ANKRD11: variants seen among roughly 807,000 people sequenced by gnomAD.
ANKRD11 encodes ankyrin repeat domain 11.
In ANKRD11, 17 loss-of-function variants were observed where a neutral mutation model predicts 195.7. That is an observed-to-expected ratio of 0.09 (90% CI 0.06 to 0.13). The LOEUF (loss-of-function observed/expected upper bound fraction) is 0.13. ANKRD11 is among the 10% of genes least tolerant of loss of function. The pLI is 1.00. For missense variants in ANKRD11, 3,735 were observed against 3,566.1 expected, an observed-to-expected ratio of 1.05 and a Z score of -1.21; for synonymous variants, 1,953 against 1,528.1, an observed-to-expected ratio of 1.28 and a Z score of -6.49.
At chr16:89,472,006 A>G (rs2057101260) in intron 1 of ANKRD11, among the ~76,000 whole-genome samples, 1 of 152,096 alleles carries the variant, frequency 6.6e-6, no homozygotes, top group African/African-American at 2.4e-5. Context: ...CTCCTAGAAT[A>G]AAATGGGAAG....
chr16:89,401,683 T>C (rs914788904), intron 2 of ANKRD11, among the ~76,000 whole-genome samples: 2 of 152,012 alleles, frequency 1.3e-5, no homozygotes, highest in Admixed American at 1.3e-4. Context: ...CTGGGAAACA[T>C]GGTCTTTGCA....
chr16:89,384,049 G>A (rs957806046), intron 2 of ANKRD11, among the ~76,000 whole-genome samples: 11 of 152,092 alleles, frequency 7.2e-5, no homozygotes, highest in Non-Finnish European at 1.5e-4. Context: ...GCAAAACCCT[G>A]TCTCTATTAA....
intron 11 of ANKRD11, among the ~76,000 whole-genome samples, chr16:89,274,212 G>C (rs758960503): frequency 3.3e-5 from 5 of 152,202 alleles, no homozygotes; most frequent in Non-Finnish European, 7.4e-5. Flanking sequence ...TGTCCCAGTG[G>C]ACAGAGCAGG....
intron 2 of ANKRD11, among the ~76,000 whole-genome samples, chr16:89,353,445 G>A (rs989733890): frequency 2.6e-5 from 4 of 151,980 alleles, no homozygotes; most frequent in Admixed American, 1.3e-4. Flanking sequence ...GCAGTAAGAG[G>A]AACACCAGTC....
chr16:89,301,181 A>T (rs2035833950), intron 4 of ANKRD11: 2 of 459,974 alleles, frequency 4.3e-6, no homozygotes, highest in South Asian at 8.3e-5. Context: ...ATCACGGCTC[A>T]CTGCAGCCTT....
At chr16:89,435,826 ACACACACAC>A (rs1484479511) in intron 1 of ANKRD11, among the ~76,000 whole-genome samples, 3 of 151,450 alleles carry the variant, frequency 2.0e-5, no homozygotes, top group African/African-American at 7.3e-5. Flanking sequence ...ACACACACAC[ACACACACAC>A]GCTTTCGGTC....
chr16:89,451,558 A>C (rs976187227), intron 1 of ANKRD11, among the ~76,000 whole-genome samples: 1 of 152,000 alleles, frequency 6.6e-6, no homozygotes, highest in African/African-American at 2.4e-5. Flanking sequence ...AGATTACTAA[A>C]GGCACATGCC....
chr16:89,426,429 G>A (rs956362920), intron 1 of ANKRD11, among the ~76,000 whole-genome samples: 1 of 151,854 alleles, frequency 6.6e-6, no homozygotes, highest in African/African-American at 2.4e-5. Context: ...AGCGCCGGCC[G>A]AGTTCACAAG....
chr16:89,346,421 A>T (rs1454017636), intron 2 of ANKRD11, among the ~76,000 whole-genome samples: 16 of 152,178 alleles, frequency 1.1e-4, no homozygotes, highest in Non-Finnish European at 2.4e-4. Flanking sequence ...ATATAAAATC[A>T]TCCAATAATC....
At chr16:89,476,002 A>G (rs959891026) in intron 1 of ANKRD11, among the ~76,000 whole-genome samples, 1 of 151,830 alleles carries the variant, frequency 6.6e-6, no homozygotes, top group Non-Finnish European at 1.5e-5. Context: ...CAGGGAGCCA[A>G]GATCACGCCA....
chr16:89,326,547 C>A (rs1218459318), intron 2 of ANKRD11, among the ~76,000 whole-genome samples: 1 of 152,100 alleles, frequency 6.6e-6, no homozygotes. Context: ...GAGTTTGAGA[C>A]CCGGGCAATG....
At position 89,281,508 on chromosome 16, in the gene ANKRD11, G is replaced by C. The variant is rs755812080; in HGVS notation, c.5034C>G (p.Asp1678Glu). The change falls in exon 9 of 13, where the codon GAC (aspartate) becomes GAG (glutamate). Residue 1678 changes from aspartate to glutamate, a missense_variant. Transcript: ENST00000301030. The surrounding 1 kb of genome is among the most constrained non-coding windows in gnomAD (Gnocchi z 5.5). ...LHPASGADSK[D>E]WLAGPHMKEV... ...CTTTCATGTGAGGGCCTGCCAGCCA[G>C]TCTTTGGAGTCTGCACCTGATGCTG... The C allele has an allele frequency of 6.2e-7, 1 of 1,614,236 alleles. No homozygotes were observed. The highest frequency in any genetic ancestry group is 1.1e-5 in the South Asian group (1 of 91,086).
chr16:89,437,540 A>AACAGTCCTCCAGAG (rs1266383618), intron 1 of ANKRD11, among the ~76,000 whole-genome samples: 3 of 152,086 alleles, frequency 2.0e-5, no homozygotes, highest in Non-Finnish European at 4.4e-5. Flanking sequence ...CCCCTGAGCA[A>AACAGTCCTCCAGAG]ACAGTCCTCC....
intron 4 of ANKRD11, among the ~76,000 whole-genome samples, chr16:89,301,151 G>A (rs2035830887): frequency 6.6e-6 from 1 of 152,198 alleles, no homozygotes; most frequent in Non-Finnish European, 1.5e-5. Context: ...CTGTCGCCCA[G>A]GCTGGAGGGC....
chr16:89,342,046 C>T (rs1207484258), intron 2 of ANKRD11, among the ~76,000 whole-genome samples: 5 of 106,520 alleles, frequency 4.7e-5, no homozygotes, highest in Admixed American at 9.9e-5. Context: ...ACAGCGGCCA[C>T]GGCCCACGGC....
chr16:89,312,185 A>G (rs537990305), intron 3 of ANKRD11, among the ~76,000 whole-genome samples: 1 of 152,328 alleles, frequency 6.6e-6, no homozygotes, highest in Non-Finnish European at 1.5e-5. Context: ...GGTGTGAGCC[A>G]CCGCACCTGG....
chr16:89,326,938 C>T (rs967060685), intron 2 of ANKRD11, among the ~76,000 whole-genome samples: 2 of 151,914 alleles, frequency 1.3e-5, no homozygotes, highest in African/African-American at 2.4e-5. Context: ...CACGACCAGG[C>T]GGAGACGCAG....
chr16:89,441,792 A>C (rs967820333), intron 1 of ANKRD11, among the ~76,000 whole-genome samples: 1 of 147,498 alleles, frequency 6.8e-6, no homozygotes, highest in Non-Finnish European at 1.5e-5. Flanking sequence ...AAAAAAAAAA[A>C]ACGCAAACCT....
chr16:89,460,189 G>A (rs1031562531), intron 1 of ANKRD11, among the ~76,000 whole-genome samples: 5 of 151,890 alleles, frequency 3.3e-5, no homozygotes, highest in Non-Finnish European at 5.9e-5. Flanking sequence ...AGTGAGCTGA[G>A]ATTGCGCCAC....
Sources: allele counts gnomAD v4.1 joint callset (sites outside exome capture counted in the v4.1 genomes callset), GRCh38; gene constraint gnomAD v4.1.1; non-coding constraint Gnocchi (gnomAD v3.1); transcripts MANE v1.5; gene names NCBI Gene and HGNC (gene_info 2026-07-23, HGNC 2026-07-21).